PKNOX2: variants seen among roughly 807,000 people sequenced by gnomAD.
PKNOX2 encodes the protein PBX/knotted 1 homeobox 2, also known as homeobox protein PKNOX2.
Under a neutral mutation model 53.1 loss-of-function variants are expected in PKNOX2, and 14 were observed. That is an observed-to-expected ratio of 0.26 (90% CI 0.17 to 0.41). The LOEUF (loss-of-function observed/expected upper bound fraction) is 0.41, where lower values mean the gene tolerates loss of function less well. Among genes scored for constraint, PKNOX2 ranks in the 10% least tolerant of loss-of-function variants. The probability of loss-of-function intolerance (pLI) is 1.00; values close to 1 mark genes in which losing one functional copy is unlikely to be tolerated. For missense variants in PKNOX2, 496 were observed against 602.8 expected, an observed-to-expected ratio of 0.82 and a Z score of 1.85; for synonymous variants, 257 against 242.8, an observed-to-expected ratio of 1.06 and a Z score of -0.54.
intron 1 of PKNOX2, among the ~76,000 whole-genome samples, chr11:125,192,381 T>C (rs941376645): frequency 1.3e-5 from 2 of 152,034 alleles, no homozygotes; most frequent in African/African-American, 4.8e-5. Context: ...AAGGGCAAAT[T>C]AAGTCAGGAA....
chr11:125,431,533 A>C lies in PKNOX2; in HGVS notation c.*141A>C, dbSNP rs1956704163. ...TTCCCCAAATCAGTAGCTTGAAGAAAGGCAAAGGAGACACCTGTTCCTTCC... is the reference window on the plus strand; with the variant it reads ...TTCCCCAAATCAGTAGCTTGAAGAACGGCAAAGGAGACACCTGTTCCTTCC... On this transcript the variant is annotated 3_prime_UTR_variant, in exon 13 of 13. Transcript: ENST00000298282. 1 of 988,224 alleles carries C rather than the reference A, an allele frequency of 1.0e-6. No homozygotes were observed. Among genetic ancestry groups the C allele is most frequent in the African/African-American group, 1.6e-5 (1 of 61,202 alleles). The allele number at this position is 988,224 out of a possible 1,614,324, so 61.2% of individuals were successfully genotyped here.
intron 5 of PKNOX2, among the ~76,000 whole-genome samples, chr11:125,368,258 AC>A (rs1952303048): frequency 6.6e-6 from 1 of 151,740 alleles, no homozygotes; most frequent in Non-Finnish European, 1.5e-5. Context: ...GGTATCAGAA[AC>A]CCTCCGCTCA....
rs758804680 is a variant in PKNOX2 at position 125,370,020 on chromosome 11, C to G, written c.227+2035C>G. Among the ~76,000 whole-genome samples the G allele has an allele frequency of 6.6e-6, 1 of 152,144 alleles. No individual in the cohort carries two copies. Among genetic ancestry groups the G allele is most frequent in the Admixed American group, 6.5e-5 (1 of 15,272 alleles). On this transcript the variant is annotated intron_variant, in intron 5 of 12. Coordinates refer to ENST00000298282, the MANE Select transcript of PKNOX2 (RefSeq NM_001382323.2). This position sits in a 1 kb window ranked among gnomAD's most constrained non-coding sequence, Gnocchi z 4.1. ...AGATCCCAGGGGATTCCTATGCATACTGAAGACTCACCTCGCAGCTGCTCA... is the reference window on the plus strand; with the variant it reads ...AGATCCCAGGGGATTCCTATGCATAGTGAAGACTCACCTCGCAGCTGCTCA...
chr11:125,210,234 A>G (rs752628811), intron 1 of PKNOX2, among the ~76,000 whole-genome samples: 1 of 152,066 alleles, frequency 6.6e-6, no homozygotes, highest in Non-Finnish European at 1.5e-5. Context: ...TTAGGAACTT[A>G]TTGGCAGTCC....
intron 2 of PKNOX2, among the ~76,000 whole-genome samples, chr11:125,239,014 G>A (rs1487129599): frequency 1.3e-5 from 2 of 152,176 alleles, no homozygotes; most frequent in Non-Finnish European, 2.9e-5. Context: ...TCCAGCATGT[G>A]CAGGTACCTA....
intron 7 of PKNOX2, among the ~76,000 whole-genome samples, chr11:125,403,456 G>A (rs1328532184): frequency 6.6e-6 from 1 of 152,200 alleles, no homozygotes; most frequent in Non-Finnish European, 1.5e-5. Flanking sequence ...GCTCCCCTCT[G>A]TCTCAAACAT....
At chr11:125,228,086 T>C (rs969130030) in intron 1 of PKNOX2, among the ~76,000 whole-genome samples, 1 of 152,200 alleles carries the variant, frequency 6.6e-6, no homozygotes, top group Non-Finnish European at 1.5e-5. Context: ...TCCCCTCCTT[T>C]GCTTAAAAAT....
intron 7 of PKNOX2, among the ~76,000 whole-genome samples, chr11:125,401,930 C>T (rs973078913): frequency 1.3e-5 from 2 of 152,158 alleles, no homozygotes; most frequent in Admixed American, 6.5e-5. Context: ...ACATTCCAGC[C>T]GCCTGCCAGC....
At chr11:125,359,328 C>T (rs1474545293) in intron 4 of PKNOX2, among the ~76,000 whole-genome samples, 2 of 151,984 alleles carry the variant, frequency 1.3e-5, no homozygotes, top group East Asian at 3.9e-4. Context: ...GGCAACACCC[C>T]AGGGACCATA....
Position 125,246,682 on chromosome 11 carries a change from A to T in PKNOX2, c.-130+11567A>T, listed in dbSNP as rs542305528. Reference sequence around the variant, plus strand: ...TAAAGAATAATAATGATCTCACCCCACAGGATTGTTGGGAATATTAAGGGA... The same window carrying T: ...TAAAGAATAATAATGATCTCACCCCTCAGGATTGTTGGGAATATTAAGGGA... On this transcript the variant is annotated intron_variant, in intron 2 of 12. Transcript: ENST00000298282. 2.0e-5 allele frequency among the ~76,000 whole-genome samples: 3 copies of T among 152,258 alleles called. No homozygotes were observed. In the East Asian group the frequency reaches 5.8e-4, roughly 29 times the overall value.
At chr11:125,272,354 A>G (rs1350847278) in intron 2 of PKNOX2, among the ~76,000 whole-genome samples, 1 of 152,216 alleles carries the variant, frequency 6.6e-6, no homozygotes, top group Non-Finnish European at 1.5e-5. Context: ...CCAATTGCTA[A>G]GCACAGGCAC....
At chr11:125,336,665 TATG>T (rs1304979353) in intron 3 of PKNOX2, among the ~76,000 whole-genome samples, 1 of 147,806 alleles carries the variant, frequency 6.8e-6, no homozygotes, top group Non-Finnish European at 1.5e-5. Flanking sequence ...TTATATATAA[TATG>T]TAATGTATAC....
intron 1 of PKNOX2, among the ~76,000 whole-genome samples, chr11:125,178,649 G>GAAA (rs1565462458): frequency 1.2e-4 from 6 of 51,686 alleles, no homozygotes; most frequent in African/African-American, 2.0e-4. Flanking sequence ...AAAGAAAGAA[G>GAAA]GAAGGAAGGA....
At chr11:125,242,013 G>A (rs1049975766) in intron 2 of PKNOX2, among the ~76,000 whole-genome samples, 6 of 151,962 alleles carry the variant, frequency 3.9e-5, no homozygotes, top group Non-Finnish European at 7.4e-5. Flanking sequence ...GGGGGATGGC[G>A]GCGGGGAGCA....
intron 12 of PKNOX2, 84 bp from the exon 13 acceptor site, chr11:125,431,082 A>G: frequency 6.6e-7 from 1 of 1,515,776 alleles, no homozygotes; most frequent in Non-Finnish European, 8.8e-7. Flanking sequence ...TCTATGAGCC[A>G]GTCCATTAAA....
chr11:125,268,005 G>T (rs1177464166), intron 2 of PKNOX2, among the ~76,000 whole-genome samples: 1 of 152,178 alleles, frequency 6.6e-6, no homozygotes, highest in Non-Finnish European at 1.5e-5. Context: ...AAAACTCAGG[G>T]AGTCACAGAA....
chr11:125,318,046 G>A (rs1949309780), intron 2 of PKNOX2, among the ~76,000 whole-genome samples: 2 of 152,100 alleles, frequency 1.3e-5, no homozygotes, highest in South Asian at 4.1e-4. Context: ...GCACTTTTAT[G>A]TTATAGAGAT....
At chr11:125,271,124 C>T (rs142125255) in intron 2 of PKNOX2, among the ~76,000 whole-genome samples, 1 of 152,212 alleles carries the variant, frequency 6.6e-6, no homozygotes, top group East Asian at 1.9e-4. Flanking sequence ...TTTCACAGTT[C>T]CCTGCCCCAC....
intron 5 of PKNOX2, among the ~76,000 whole-genome samples, chr11:125,374,014 T>G (rs1389497641): frequency 1.3e-5 from 2 of 151,954 alleles, no homozygotes; most frequent in East Asian, 3.9e-4. Flanking sequence ...GCTAGACAGA[T>G]AGGCTGGGTC....
Sources: allele counts gnomAD v4.1 joint callset (sites outside exome capture counted in the v4.1 genomes callset), GRCh38; gene constraint gnomAD v4.1.1; non-coding constraint Gnocchi (gnomAD v3.1); transcripts MANE v1.5; gene names NCBI Gene and HGNC (gene_info 2026-07-23, HGNC 2026-07-21).